The following NR3C2 variants were observed in gnomAD, a reference collection of about 807,000 sequenced individuals.
NR3C2 encodes mineralocorticoid receptor.
NR3C2 carries 15 observed loss-of-function variants against 86.4 expected under a neutral mutation model. The observed-to-expected ratio is 0.17, with a 90% CI of 0.12 to 0.27. NR3C2 has a LOEUF of 0.27. NR3C2 is among the 10% of genes least tolerant of loss of function. The pLI is 1.00. For synonymous variants in NR3C2, 458 were observed against 450.5 expected, an observed-to-expected ratio of 1.02 and a Z score of -0.21; for missense variants, 960 against 1,195.6, an observed-to-expected ratio of 0.80 and a Z score of 2.91.
intron 3 of NR3C2, among the ~76,000 whole-genome samples, chr4:148,215,420 C>T (rs1737481981): frequency 6.6e-6 from 1 of 152,190 alleles, no homozygotes; most frequent in Admixed American, 6.5e-5. Context: ...AGAAGCTGAT[C>T]CGGGCTTTCC....
At chr4:148,282,724 T>G (rs1299670132) in intron 2 of NR3C2, among the ~76,000 whole-genome samples, 2 of 151,980 alleles carry the variant, frequency 1.3e-5, no homozygotes, top group Non-Finnish European at 2.9e-5. Context: ...TAAAACTCAT[T>G]TGGCAAGAGC....
chr4:148,315,781 T>A (rs928129306), intron 2 of NR3C2, among the ~76,000 whole-genome samples: 1 of 152,214 alleles, frequency 6.6e-6, no homozygotes, highest in Non-Finnish European at 1.5e-5. Context: ...ATCACTACAA[T>A]AAACCTTCAA....
intron 2 of NR3C2, among the ~76,000 whole-genome samples, chr4:148,327,477 T>G (rs1744028376): frequency 6.6e-6 from 1 of 152,206 alleles, no homozygotes; most frequent in Admixed American, 6.5e-5. Flanking sequence ...ACAATTACTG[T>G]GGCAACTGTG....
At chr4:148,329,480 TAC>T (rs1441405599) in intron 2 of NR3C2, among the ~76,000 whole-genome samples, 3 of 152,224 alleles carry the variant, frequency 2.0e-5, no homozygotes, top group African/African-American at 7.2e-5. Flanking sequence ...TTACATTATT[TAC>T]AGATTCTACA....
intron 3 of NR3C2, among the ~76,000 whole-genome samples, chr4:148,207,444 A>G (rs7670121): frequency 0.25 from 37,931 of 152,208 alleles, 5,600 homozygotes; most frequent in East Asian, 0.58. Flanking sequence ...CATATGTTTT[A>G]ACCTTGTATA....
chr4:148,191,481 T>C (rs561539928), intron 4 of NR3C2, among the ~76,000 whole-genome samples: 2 of 152,244 alleles, frequency 1.3e-5, no homozygotes, highest in Non-Finnish European at 2.9e-5. Flanking sequence ...CTTTCTGTGA[T>C]GAATTTCCTG....
chr4:148,339,206 C>T (rs887097010), intron 2 of NR3C2, among the ~76,000 whole-genome samples: 2 of 152,116 alleles, frequency 1.3e-5, no homozygotes, highest in Non-Finnish European at 2.9e-5. Context: ...AGACACAGAG[C>T]TATTCCAAGC....
At chr4:148,380,098 C>A (rs1237167143) in intron 2 of NR3C2, among the ~76,000 whole-genome samples, 1 of 151,982 alleles carries the variant, frequency 6.6e-6, no homozygotes, top group Non-Finnish European at 1.5e-5. Context: ...AATTCAGATA[C>A]CATAATATTC....
intron 2 of NR3C2, among the ~76,000 whole-genome samples, chr4:148,365,880 G>A (rs1468690291): frequency 6.6e-6 from 1 of 152,042 alleles, no homozygotes; most frequent in Non-Finnish European, 1.5e-5. Context: ...TCCAGGCACT[G>A]ACCCCACTAA....
At chr4:148,413,717 T>C (rs906761478) in intron 2 of NR3C2, among the ~76,000 whole-genome samples, 2 of 152,146 alleles carry the variant, frequency 1.3e-5, no homozygotes, top group Non-Finnish European at 2.9e-5. Flanking sequence ...GACAAACCTA[T>C]GAAAATATGC....
intron 6 of NR3C2, among the ~76,000 whole-genome samples, chr4:148,142,317 G>T (rs1364466526): frequency 6.6e-6 from 1 of 152,168 alleles, no homozygotes; most frequent in African/African-American, 2.4e-5. Context: ...AGATGTGATC[G>T]AATGGCGACG....
At chr4:148,318,630 T>G (rs1247199461) in intron 2 of NR3C2, among the ~76,000 whole-genome samples, 1 of 152,256 alleles carries the variant, frequency 6.6e-6, no homozygotes, top group Non-Finnish European at 1.5e-5. Context: ...CGGCCAGTGA[T>G]GATGAGCATT....
intron 8 of NR3C2, among the ~76,000 whole-genome samples, chr4:148,101,059 G>A (rs6535580): frequency 0.26 from 40,228 of 151,964 alleles, 6,172 homozygotes; most frequent in African/African-American, 0.42. Flanking sequence ...TAGTTTTGCA[G>A]GACAAAGAGC....
intron 2 of NR3C2, among the ~76,000 whole-genome samples, chr4:148,312,664 C>T (rs1292686998): frequency 6.6e-6 from 1 of 152,098 alleles, no homozygotes; most frequent in Non-Finnish European, 1.5e-5. Context: ...AAGTTATATA[C>T]AGTTGTATAT....
chr4:148,346,442 T>A (rs1262954527), intron 2 of NR3C2, among the ~76,000 whole-genome samples: 3 of 152,022 alleles, frequency 2.0e-5, no homozygotes, highest in Non-Finnish European at 4.4e-5. Context: ...GAAGAGGATA[T>A]GCTTAGCTGT....
chr4:148,243,695 G>C lies in NR3C2; in HGVS notation c.1897+16283C>G, dbSNP rs1452464801. On this transcript the variant is annotated intron_variant, in intron 3 of 8. Coordinates refer to ENST00000358102, the MANE Select transcript of NR3C2 (RefSeq NM_000901.5). The stretch of plus-strand genomic sequence containing the variant: ...CAGCTCAGAACAGAGCTCATGAGTA[G>C]TTCCCTGCTACCCTGCTGTCAAAGA... Among the ~76,000 whole-genome samples, 4 of 152,152 alleles carry C rather than the reference G, an allele frequency of 2.6e-5. No homozygotes were observed. The East Asian group carries it at 5.8e-4, about 22-fold the overall frequency.
rs1747975375 is a variant in NR3C2, at chr4:148,398,514, T to C, written c.1757+36590A>G. Among the ~76,000 whole-genome samples, 3 of 152,368 alleles carry C rather than the reference T, an allele frequency of 2.0e-5. No homozygotes were observed. The South Asian group carries it at 6.2e-4, about 32-fold the overall frequency. On this transcript the variant is annotated intron_variant, in intron 2 of 8. Transcript: ENST00000358102. The stretch of plus-strand genomic sequence containing the variant: ...TTTCTATACAATAATCTTGAATTTG[T>C]ATACCACCTTAACTCACATTTTATA...
rs1560714393 is a variant in NR3C2 at position 148,406,025 on chromosome 4, G to A, written c.1757+29079C>T. Among the ~76,000 whole-genome samples, 3 of 152,250 alleles carry A rather than the reference G, an allele frequency of 2.0e-5. No homozygotes were observed. The South Asian group carries it at 6.2e-4, about 32-fold the overall frequency. ...AAAAAAAATTTTTAAATTTAGCCAG[G>A]TGCAATGGTACCTTCCTGCAGTCCC... is the stretch of plus-strand genomic sequence containing the variant. On this transcript the variant is annotated intron_variant, in intron 2 of 8. Coordinates refer to ENST00000358102, the MANE Select transcript of NR3C2 (RefSeq NM_000901.5).
intron 2 of NR3C2, among the ~76,000 whole-genome samples, chr4:148,364,684 A>G (rs1300380390): frequency 2.6e-5 from 4 of 152,140 alleles, no homozygotes; most frequent in African/African-American, 4.8e-5. Context: ...ATACTTTCCT[A>G]TGTTGATGGG....
Sources: gnomAD v4.1 joint callset for allele counts (sites outside exome capture counted in the v4.1 genomes callset) on GRCh38, gnomAD v4.1.1 for gene constraint, MANE v1.5 for transcripts, NCBI Gene and HGNC (gene_info 2026-07-23, HGNC 2026-07-21) for gene names.